The following PCLO variants were observed in gnomAD, a reference collection of about 807,000 sequenced individuals.
The protein encoded by PCLO is piccolo presynaptic cytomatrix protein.
PCLO carries 82 observed loss-of-function variants against 427.5 expected under a neutral mutation model. That is an observed-to-expected ratio of 0.19 (90% confidence interval 0.16 to 0.23). The LOEUF is 0.23. Among genes scored for constraint, PCLO ranks in the 10% least tolerant of loss-of-function variants. The pLI is 1.00. For missense variants in PCLO, 6,239 were observed against 6,115.9 expected (o/e 1.02, Z -0.67); for synonymous variants, 2,357 against 2,155.4 (o/e 1.09, Z -2.59).
In PCLO at chr7:82,915,938, C is replaced by T. The variant is rs1794447544; in HGVS notation, c.12048G>A (p.Glu4016=). Residue 4016 remains glutamate, a synonymous_variant, in exon 7 of 25, where the codon GAG becomes GAA. Transcript: ENST00000333891. The part of the protein sequence containing the change: ...YNSLDLRIGL[E]ERSSMASSPI... ...GACTGCTTGCCATGCTACTTCTTTC[C>T]TCCAAACCTATTCTCAAGTCTAAAC... 6.2e-7 allele frequency: 1 copy of T among 1,613,078 alleles called. No homozygotes were observed.
rs1792263793 is a variant in PCLO at position 83,155,533 on chromosome 7, T to C, written c.1108A>G (p.Lys370Glu). 1 of 1,612,688 alleles carries C rather than the reference T, an allele frequency of 6.2e-7. No homozygotes were observed. Among genetic ancestry groups the C allele is most frequent in the African/African-American group, 1.3e-5 (1 of 74,908 alleles). ...KPPAQPLGPA[K>E]PPAQQTGSEK... Reference sequence around the variant, plus strand: ...GACCCAGTCTGCTGAGCTGGAGGCTTAGCAGGACCAAGAGGCTGAGCTGGA... The same window carrying C: ...GACCCAGTCTGCTGAGCTGGAGGCTCAGCAGGACCAAGAGGCTGAGCTGGA... The change falls in exon 2 of 25, where the codon AAG becomes GAG. Residue 370 changes from lysine to glutamate, a missense_variant. By Grantham distance (56) the Lys-to-Glu change is moderately conservative (BLOSUM62 1). Around this residue, in one of 5 missense-constraint regions of PCLO, gnomAD observed 4,677 missense variants for 4,468.4 expected, o/e 1.05. Coordinates refer to ENST00000333891, the MANE Select transcript of PCLO (RefSeq NM_033026.6).
At chr7:83,079,842 A>C (rs901893217) in intron 3 of PCLO, among the ~76,000 whole-genome samples, 1 of 152,012 alleles carries the variant, frequency 6.6e-6, no homozygotes, top group African/African-American at 2.4e-5. Flanking sequence ...CCTAGCATGC[A>C]TTAGCTATTT....
intron 8 of PCLO, among the ~76,000 whole-genome samples, chr7:82,906,080 T>C (rs1160134487): frequency 1.3e-5 from 2 of 151,796 alleles, no homozygotes; most frequent in Non-Finnish European, 2.9e-5. Flanking sequence ...TACACACACA[T>C]ATAAGTATAC....
chr7:82,981,865 T>C (rs1028715925), intron 3 of PCLO, among the ~76,000 whole-genome samples: 1 of 152,144 alleles, frequency 6.6e-6, no homozygotes, highest in Non-Finnish European at 1.5e-5. Context: ...GAAGTTTATT[T>C]GTAGGTGTCA....
rs552796878 is a variant in PCLO, at chr7:82,990,402, G to A, written c.3301-23915C>T. ...ATAGACACAATTTAATTACCAGACA[G>A]GTAATTAATTACTACCCTGTACTCT... On this transcript the variant is annotated intron_variant, in intron 3 of 24. Coordinates refer to ENST00000333891, the MANE Select transcript of PCLO (RefSeq NM_033026.6). 2.9e-4 allele frequency among the ~76,000 whole-genome samples: 44 copies of A among 152,244 alleles called. 2 individuals carry two copies. The South Asian group carries it at 8.5e-3, about 29-fold the overall frequency.
At chr7:83,094,888 G>GT (rs2116456780) in intron 3 of PCLO, among the ~76,000 whole-genome samples, 2 of 152,074 alleles carry the variant, frequency 1.3e-5, no homozygotes, top group South Asian at 4.1e-4. Context: ...AATGATTTTT[G>GT]TATCTGTATG....
chr7:83,083,272 C>G (rs185662491), intron 3 of PCLO, among the ~76,000 whole-genome samples: 81 of 151,926 alleles, frequency 5.3e-4, no homozygotes, highest in Admixed American at 3.7e-3. Context: ...TACATAAACA[C>G]TATAATTCTT....
chr7:82,979,959 T>C (rs1222087932), intron 3 of PCLO, among the ~76,000 whole-genome samples: 1 of 152,170 alleles, frequency 6.6e-6, no homozygotes, highest in Non-Finnish European at 1.5e-5. Flanking sequence ...TTAATTTCTT[T>C]AAATGCTAAA....
In PCLO at chr7:82,832,799, CTA is replaced by C. The variant is rs1792127683; in HGVS notation, c.14249+2866_14249+2867del. 1.3e-4 allele frequency among the ~76,000 whole-genome samples: 11 copies of C among 87,196 alleles called. No homozygotes were observed. In the South Asian group the frequency reaches 5.2e-3, roughly 41 times the overall value. 57.2% of individuals were successfully genotyped at this position (87,196 alleles called of 152,430 possible). On this transcript the variant is annotated intron_variant, in intron 16 of 24. Coordinates refer to ENST00000333891, the MANE Select transcript of PCLO (RefSeq NM_033026.6). ...ATCTGGTTTTCCTTTACTAAACTTA[CTA>C]CACACACACACACACACACACACAC... is the stretch of plus-strand genomic sequence containing the variant.
At chr7:83,072,948 CTCTT>C (rs929572583) in intron 3 of PCLO, among the ~76,000 whole-genome samples, 4 of 152,030 alleles carry the variant, frequency 2.6e-5, no homozygotes, top group African/African-American at 9.6e-5. Flanking sequence ...AAAATGGTTT[CTCTT>C]TCTGTCTCTC....
intron 3 of PCLO, among the ~76,000 whole-genome samples, chr7:82,993,250 T>G (rs1160897103): frequency 1.3e-5 from 2 of 152,022 alleles, no homozygotes; most frequent in Non-Finnish European, 2.9e-5. Flanking sequence ...TATATAGAGA[T>G]ATAATAAATG....
chr7:83,112,627 C>T (rs1791034608), intron 3 of PCLO, among the ~76,000 whole-genome samples: 2 of 152,116 alleles, frequency 1.3e-5, no homozygotes. Flanking sequence ...TAAGGCTTTC[C>T]AAAGTATACT....
intron 7 of PCLO, among the ~76,000 whole-genome samples, chr7:82,911,515 T>C (rs1284546448): frequency 1.3e-5 from 2 of 152,146 alleles, no homozygotes; most frequent in East Asian, 3.9e-4. Context: ...CTGGATCTAG[T>C]ACTGTCCGCA....
chr7:82,818,791 TC>T (rs1791729646), intron 20 of PCLO, among the ~76,000 whole-genome samples: 1 of 152,174 alleles, frequency 6.6e-6, no homozygotes, highest in Non-Finnish European at 1.5e-5. Flanking sequence ...AACTACCTCA[TC>T]CACTTAATGT....
intron 3 of PCLO, among the ~76,000 whole-genome samples, chr7:82,996,487 C>T (rs1045492176): frequency 7.2e-5 from 11 of 151,832 alleles, no homozygotes; most frequent in African/African-American, 2.4e-4. Flanking sequence ...TGATGCTTGG[C>T]AATAATCTTG....
chr7:82,889,981 C>T (rs1793719294), intron 9 of PCLO, among the ~76,000 whole-genome samples: 1 of 151,420 alleles, frequency 6.6e-6, no homozygotes, highest in Non-Finnish European at 1.5e-5. Context: ...CTATTTTTAG[C>T]TTTATAATTG....
chr7:82,794,450 AT>A (rs141105612), intron 22 of PCLO, among the ~76,000 whole-genome samples: 162 of 62,064 alleles, frequency 2.6e-3, no homozygotes, highest in African/African-American at 6.5e-3. Flanking sequence ...TAGTTCATAA[AT>A]TTTTTTTCTT....
chr7:83,155,324 A>G lies in PCLO; in HGVS notation c.1317T>C (p.Thr439=), dbSNP rs1465549057. 2 of 1,613,582 alleles carry G rather than the reference A, an allele frequency of 1.2e-6. No homozygotes were observed. The highest frequency in any genetic ancestry group is 1.1e-5 in the South Asian group (1 of 91,062). Reference sequence around the variant, plus strand: ...TTCCTGGCCCAGGCTGCTGAACTGGAGTCTTTGTAGGCCCAGGTGCCTTAG... The same window carrying G: ...TTCCTGGCCCAGGCTGCTGAACTGGGGTCTTTGTAGGCCCAGGTGCCTTAG... ...SPAKAPGPTK[T]PVQQPGPGKI... is the part of the protein sequence containing the mutation. Residue 439 remains threonine (T), a synonymous_variant, in exon 2 of 25, where the codon ACT becomes ACC. Coordinates refer to ENST00000333891, the MANE Select transcript of PCLO (RefSeq NM_033026.6).
intron 3 of PCLO, among the ~76,000 whole-genome samples, chr7:83,097,331 G>A (rs1032221614): frequency 9.1e-5 from 13 of 143,530 alleles, no homozygotes; most frequent in African/African-American, 3.3e-4. Context: ...GACCATCCTG[G>A]CTAAAACGAT....
Sources: gnomAD v4.1 joint callset for allele counts (sites outside exome capture counted in the v4.1 genomes callset) on GRCh38, gnomAD v4.1.1 for gene constraint, gnomAD v4.1.1 regional missense constraint, MANE v1.5 for transcripts, NCBI Gene and HGNC (gene_info 2026-07-23, HGNC 2026-07-21) for gene names.